ZNF143: variants seen among roughly 807,000 people sequenced by gnomAD.
ZNF143 encodes the protein SPH-binding factor.
Under a neutral mutation model 74.1 loss-of-function variants are expected in ZNF143, and 49 were observed. The ratio of observed to expected loss-of-function variants is 0.66; its 90% CI spans 0.53 to 0.84. The LOEUF is 0.84. Among genes scored for constraint, ZNF143 ranks in the 40% least tolerant of loss-of-function variants. ZNF143 has a pLI of 0.00. For missense variants in ZNF143, 637 were observed against 793.4 expected, an observed-to-expected ratio of 0.80 and a Z score of 2.37; for synonymous variants, 304 against 282.8, an observed-to-expected ratio of 1.07 and a Z score of -0.75.
chr11:9,491,901 A>T (rs1190185569), intron 7 of ZNF143, among the ~76,000 whole-genome samples: 2 of 152,122 alleles, frequency 1.3e-5, no homozygotes, highest in Non-Finnish European at 2.9e-5. Context: ...AAGTGCTGGG[A>T]TTATAGGCTT....
chr11:9,526,847 C>T (rs1327401260), intron 15 of ZNF143, among the ~76,000 whole-genome samples: 3 of 152,102 alleles, frequency 2.0e-5, no homozygotes, highest in Admixed American at 6.5e-5. Context: ...TTTTTTGAGA[C>T]GGAGTCTCGC....
rs909995220 is a variant in ZNF143, at chr11:9,474,108, T to TA, written c.289+87dup. 12 of 1,104,320 alleles carry TA rather than the reference T, an allele frequency of 1.1e-5. No homozygotes were observed. The Admixed American group carries it at 2.1e-4, about 19-fold the overall frequency. The allele number at this position is 1,104,320 out of a possible 1,614,324, so 68.4% of individuals were successfully genotyped here. A position where few individuals can be genotyped will look rare whatever the true frequency, so the allele number is the denominator to read the frequency against. ...CTACCTGCAGCTCCCTCTTACTACC[T>TA]AAACTTGGTCTTGTTCTCAAGTCCT... On this transcript the variant is annotated intron_variant, in intron 4 of 15. Transcript: ENST00000396602.
At chr11:9,479,854 C>T (rs574592706) in intron 7 of ZNF143, among the ~76,000 whole-genome samples, 132 of 152,300 alleles carry the variant, frequency 8.7e-4, no homozygotes, top group Non-Finnish European at 1.6e-3. Context: ...CTGCCCCCAC[C>T]CATGGCATGG....
At chr11:9,462,345 A>G (rs764176255) in intron 1 of ZNF143, among the ~76,000 whole-genome samples, 2 of 151,398 alleles carry the variant, frequency 1.3e-5, no homozygotes, top group African/African-American at 2.4e-5. Flanking sequence ...CAGTTCACCC[A>G]TTTAAAATGT....
chr11:9,513,196 G>A lies in ZNF143; in HGVS notation c.1524+600G>A, dbSNP rs189329782. Among the ~76,000 whole-genome samples, 461 of 152,272 alleles carry A rather than the reference G, an allele frequency of 3.0e-3. 3 individuals carry two copies. Among genetic ancestry groups the A allele is most frequent in the African/African-American group, 0.011 (447 of 41,552 alleles). ...AGCAAAGACTGTCTTAATACCTGGTGGAAATATGCACAATGTGCTTCTTTA... is the reference window on the plus strand; with the variant it reads ...AGCAAAGACTGTCTTAATACCTGGTAGAAATATGCACAATGTGCTTCTTTA... On this transcript the variant is annotated intron_variant, in intron 13 of 15. Coordinates refer to ENST00000396602, the MANE Select transcript of ZNF143 (RefSeq NM_003442.6).
At chr11:9,527,220 C>T (rs576791005) in intron 15 of ZNF143, among the ~76,000 whole-genome samples, 75 of 152,316 alleles carry the variant, frequency 4.9e-4, no homozygotes, top group Non-Finnish European at 8.4e-4. Context: ...AATCTGCCTG[C>T]CTCCACCTCC....
At position 9,516,357 on chromosome 11, in the gene ZNF143, G is replaced by C. The variant is rs10743108; in HGVS notation, c.1681G>C (p.Glu561Gln). The change falls in exon 14 of 16, where the codon GAA becomes CAA. Residue 561 changes from glutamate (E) to glutamine (Q), a missense_variant. This residue lies in a region of ZNF143 where 344 missense variants were observed against 485.6 expected (regional missense o/e 0.71). Transcript: ENST00000396602. ...AMVTAEGTEG[E>Q]QVAIVAQDLA... ...GGTTACTGCTGAGGGTACAGAAGGGGAACAGGTAATTACTTTTTTCTGTTA... is the reference window on the plus strand; with the variant it reads ...GGTTACTGCTGAGGGTACAGAAGGGCAACAGGTAATTACTTTTTTCTGTTA... 0.96 allele frequency: 1,542,746 copies of C among 1,610,650 alleles called. 741,712 individuals carry two copies. The highest frequency in any genetic ancestry group is 0.98 in the Middle Eastern group (5,952 of 6,048).
At position 9,497,792 on chromosome 11, in the gene ZNF143, C is replaced by T. The variant is rs1848013054; in HGVS notation, c.959C>T (p.Thr320Ile). 6.4e-7 allele frequency: 1 copy of T among 1,563,758 alleles called. No individual in the cohort carries two copies. Among genetic ancestry groups the T allele is most frequent in the South Asian group, 1.1e-5 (1 of 88,042 alleles). The stretch of plus-strand genomic sequence containing the variant: ...GGAGATCTACAGAAACACATCAGAA[C>T]TCATACAGGTACTAGTGGAAACAGA... ...TSGDLQKHIR[T>I]HTGERPFKCP... The change falls in exon 10 of 16, where the codon ACT (threonine) becomes ATT (isoleucine). Residue 320 changes from threonine to isoleucine, a missense_variant. By Grantham distance (89) the Thr-to-Ile change is moderately conservative. Around this residue, in one of 2 missense-constraint regions of ZNF143, gnomAD observed 344 missense variants for 485.6 expected, o/e 0.71. Coordinates refer to ENST00000396602, the MANE Select transcript of ZNF143 (RefSeq NM_003442.6).
At chr11:9,523,858 A>G (rs1183896003) in intron 14 of ZNF143, among the ~76,000 whole-genome samples, 1 of 151,374 alleles carries the variant, frequency 6.6e-6, no homozygotes, top group African/African-American at 2.4e-5. Context: ...GACCAGCCTG[A>G]CCAACTTGGA....
chr11:9,477,607 A>G (rs977545451), intron 5 of ZNF143, among the ~76,000 whole-genome samples: 1 of 152,084 alleles, frequency 6.6e-6, no homozygotes, highest in African/African-American at 2.4e-5. Flanking sequence ...GTAACTGGCT[A>G]GATTTATTAT....
intron 11 of ZNF143, among the ~76,000 whole-genome samples, chr11:9,501,922 A>ATTTTT (rs1848173954): frequency 1.6e-5 from 1 of 62,366 alleles, no homozygotes; most frequent in African/African-American, 6.2e-5. Flanking sequence ...CTATGGATAT[A>ATTTTT]TTCTTTTTTT....
intron 9 of ZNF143, 58 bp from the exon 10 acceptor site, chr11:9,497,615 TCA>T: frequency 7.6e-7 from 1 of 1,317,122 alleles, no homozygotes; most frequent in Non-Finnish European, 1.1e-6. Context: ...TAGCTTATTC[TCA>T]GTGTGCATGT....
At chr11:9,494,459 C>CT (rs1459823737) in intron 7 of ZNF143, among the ~76,000 whole-genome samples, 187 bp from the exon 8 acceptor site, 1 of 152,056 alleles carries the variant, frequency 6.6e-6, no homozygotes, top group Non-Finnish European at 1.5e-5. Flanking sequence ...AGATGCACCA[C>CT]TACACCTGGC....
chr11:9,474,741 T>G, intron 5 of ZNF143, 108 bp downstream of exon 5: 1 of 1,160,920 alleles, frequency 8.6e-7, no homozygotes, highest in Non-Finnish European at 1.2e-6. Flanking sequence ...AGAATTGTAT[T>G]TATTCATTAA....
chr11:9,520,471 G>A (rs1334744495), intron 14 of ZNF143, among the ~76,000 whole-genome samples: 2 of 151,592 alleles, frequency 1.3e-5, no homozygotes, highest in Non-Finnish European at 2.9e-5. Flanking sequence ...CAGCCTGGAT[G>A]ACAGAGCAAA....
intron 12 of ZNF143, 70 bp from the exon 13 acceptor site, chr11:9,512,378 A>G: frequency 6.5e-7 from 1 of 1,541,372 alleles, no homozygotes; most frequent in Non-Finnish European, 8.8e-7. Context: ...TCTCTTTAAT[A>G]TTTAAAATGT....
intron 2 of ZNF143, among the ~76,000 whole-genome samples, 172 bp downstream of exon 2, chr11:9,471,592 G>A (rs1007022794): frequency 7.3e-5 from 11 of 150,826 alleles, no homozygotes; most frequent in African/African-American, 1.7e-4. Flanking sequence ...TACTCTTGTC[G>A]CCCAGGCTGG....
At chr11:9,519,932 T>C (rs1308941143) in intron 14 of ZNF143, among the ~76,000 whole-genome samples, 1 of 150,966 alleles carries the variant, frequency 6.6e-6, no homozygotes, top group Admixed American at 6.6e-5. Context: ...ACACCTGTAA[T>C]CCCAGCACTT....
In ZNF143 at chr11:9,473,344, T is replaced by TTG. The variant is rs1158006109; in HGVS notation, c.205+575_205+576insTG. Among the ~76,000 whole-genome samples, 5 of 147,774 alleles carry TTG rather than the reference T, an allele frequency of 3.4e-5. No individual in the cohort carries two copies. In the East Asian group the frequency reaches 9.9e-4, roughly 29 times the overall value. On this transcript the variant is annotated intron_variant, in intron 3 of 15. Coordinates refer to ENST00000396602, the MANE Select transcript of ZNF143 (RefSeq NM_003442.6). ...AGGCAGAGGTTGCAGTGAGCCGAGA[T>TTG]CACGCCATTGCACTCCGGCCTGGGC... is the stretch of plus-strand genomic sequence containing the variant.
Sources: gnomAD v4.1 joint callset for allele counts (sites outside exome capture counted in the v4.1 genomes callset) on GRCh38, gnomAD v4.1.1 for gene constraint, gnomAD v4.1.1 regional missense constraint, MANE v1.5 for transcripts, NCBI Gene and HGNC (gene_info 2026-07-23, HGNC 2026-07-21) for gene names.